The following IFT122 variants were observed in gnomAD, a reference collection of about 807,000 sequenced individuals.
IFT122 encodes the protein intraflagellar transport 122.
A neutral mutation model predicts 161.6 loss-of-function variants in IFT122; 118 were observed. That is an observed-to-expected ratio of 0.73 (90% CI 0.63 to 0.85). The LOEUF is 0.85. IFT122 is among the 40% of genes least tolerant of loss of function. The pLI, the probability that IFT122 is intolerant of heterozygous loss-of-function variation, is 0.00. For missense variants in IFT122, 1,381 were observed against 1,579.6 expected (o/e 0.87, Z 2.13); for synonymous variants, 550 against 602.4 (o/e 0.91, Z 1.27).
At chr3:129,488,781 A>G (rs1334492124) in intron 16 of IFT122, among the ~76,000 whole-genome samples, 3 of 151,992 alleles carry the variant, frequency 2.0e-5, no homozygotes, top group African/African-American at 7.3e-5. Flanking sequence ...GGCTTTTATT[A>G]TCGGTGTAGT....
Position 129,452,043 on chromosome 3 carries a change from A to G in IFT122, c.193+45A>G, listed in dbSNP as rs374965116. The stretch of plus-strand genomic sequence containing the variant: ...TTCCATTCTCTATAATAGCCTCATC[A>G]TTGTTCATTTTTCTCTTTAGTCACT... On this transcript the variant is annotated intron_variant, in intron 3 of 29. Transcript: ENST00000348417. The G allele has an allele frequency of 2.8e-5, 38 of 1,345,908 alleles. No homozygotes were observed. The East Asian group carries it at 3.9e-4, about 14-fold the overall frequency. The allele number at this position is 1,345,908 out of a possible 1,614,324, so 83.4% of individuals were successfully genotyped here.
intron 1 of IFT122, among the ~76,000 whole-genome samples, chr3:129,441,768 C>T (rs1180542188): frequency 6.6e-6 from 1 of 152,156 alleles, no homozygotes; most frequent in Non-Finnish European, 1.5e-5. Flanking sequence ...TGAAACACAG[C>T]CGTATCAGTG....
intron 19 of IFT122, 38 bp from the exon 20 acceptor site, chr3:129,502,673 C>G: frequency 6.2e-7 from 1 of 1,601,136 alleles, no homozygotes; most frequent in Non-Finnish European, 8.5e-7. Context: ...TTGACAAGAC[C>G]CAGAGCCCAC....
chr3:129,463,219 T>A (rs528022692), intron 5 of IFT122: 11 of 332,338 alleles, frequency 3.3e-5, no homozygotes, highest in South Asian at 2.6e-4. Context: ...TATTATATAG[T>A]TCTGTTGTTT....
intron 4 of IFT122, 56 bp downstream of exon 4, chr3:129,458,733 C>A: frequency 6.9e-6 from 9 of 1,310,268 alleles, no homozygotes; most frequent in Non-Finnish European, 1.0e-5. Context: ...ATAATTGCAG[C>A]AAAAGCCTCT....
chr3:129,515,834 G>T (rs569641025), intron 26 of IFT122, among the ~76,000 whole-genome samples: 3 of 152,154 alleles, frequency 2.0e-5, no homozygotes. Context: ...GGAACCTGGC[G>T]CAGGGCTTTA....
chr3:129,519,363 C>T (rs1489273698), intron 28 of IFT122, among the ~76,000 whole-genome samples, 177 bp downstream of exon 28: 2 of 152,194 alleles, frequency 1.3e-5, no homozygotes, highest in African/African-American at 2.4e-5. Flanking sequence ...TGGCTGCCCC[C>T]GAGGGACCAT....
chr3:129,517,268 G>GCGCGCGCGCGCGCGCGCA (rs1553776447), intron 26 of IFT122, among the ~76,000 whole-genome samples: 25 of 117,120 alleles, frequency 2.1e-4, no homozygotes, highest in African/African-American at 8.1e-4. Flanking sequence ...CATTGCTCCT[G>GCGCGCGCGCGCGCGCGCA]CACACACACA....
chr3:129,452,841 G>C (rs904632973), intron 3 of IFT122, among the ~76,000 whole-genome samples: 1 of 148,664 alleles, frequency 6.7e-6, no homozygotes, highest in African/African-American at 2.4e-5. Flanking sequence ...GCATCATCCA[G>C]ACAGGGGGTG....
In IFT122 at chr3:129,504,504, C is replaced by T. The variant is rs1038043500; in HGVS notation, c.2650+83C>T. ...TACATTTCAGGAAGGCTACCAAGCC[C>T]TTCCCATCTGTAGATCCCAAGATAG... On this transcript the variant is annotated intron_variant, in intron 21 of 29. Transcript: ENST00000348417. 1.1e-5 allele frequency: 12 copies of T among 1,095,460 alleles called. No homozygotes were observed. In the Middle Eastern group the frequency reaches 5.9e-4, roughly 54 times the overall value. The allele number at this position is 1,095,460 out of a possible 1,614,324, so 67.9% of individuals were successfully genotyped here. A position where few individuals can be genotyped will look rare whatever the true frequency, so the allele number is the denominator to read the frequency against.
At chr3:129,469,507 T>G in intron 9 of IFT122, 90 bp downstream of exon 9, 1 of 1,003,708 alleles carries the variant, frequency 1.0e-6, no homozygotes, top group Non-Finnish European at 1.6e-6. Context: ...ACATTATCAT[T>G]GTTAGTTCCT....
intron 18 of IFT122, among the ~76,000 whole-genome samples, chr3:129,499,569 C>G (rs913691521): frequency 1.3e-5 from 2 of 152,194 alleles, no homozygotes; most frequent in African/African-American, 2.4e-5. Flanking sequence ...AACCCCCGAC[C>G]CTGCAGACTT....
intron 17 of IFT122, among the ~76,000 whole-genome samples, chr3:129,494,221 T>G (rs1272121051): frequency 6.6e-6 from 1 of 152,018 alleles, no homozygotes; most frequent in Admixed American, 6.5e-5. Flanking sequence ...TGTTTGTTTT[T>G]TTTTTGCAGA....
In IFT122 at chr3:129,500,065, A is replaced by G; in HGVS notation, c.2372A>G (p.Asp791Gly). Residue 791 changes from aspartate (D) to glycine (G), a missense_variant, in exon 19 of 30, where the codon GAC becomes GGC. Physicochemically the swap from Asp to Gly is moderately conservative, Grantham distance 94. Transcript: ENST00000348417. ...IEICGDHGWV[D>G]MLIDIARKLD... ...ATCTGTGGTGACCATGGCTGGGTTG[A>G]CATGTAGGTTTTGGTCCCTGCCCCG... 1 of 1,614,172 alleles carries G rather than the reference A, an allele frequency of 6.2e-7. No homozygotes were observed. The highest frequency in any genetic ancestry group is 8.5e-7 in the Non-Finnish European group (1 of 1,180,040).
At chr3:129,496,153 A>G (rs1195937348) in intron 18 of IFT122, among the ~76,000 whole-genome samples, 1 of 152,068 alleles carries the variant, frequency 6.6e-6, no homozygotes, top group African/African-American at 2.4e-5. Flanking sequence ...CAGAGTGGCT[A>G]CCATGTGGTT....
chr3:129,464,413 G>T (rs556426424), intron 6 of IFT122, among the ~76,000 whole-genome samples: 3 of 152,202 alleles, frequency 2.0e-5, no homozygotes, highest in African/African-American at 7.2e-5. Context: ...TCAGAAAAAG[G>T]CACCAAATGG....
chr3:129,482,732 T>C (rs2078823527), intron 14 of IFT122, among the ~76,000 whole-genome samples: 2 of 152,230 alleles, frequency 1.3e-5, no homozygotes, highest in Non-Finnish European at 2.9e-5. Context: ...TGTGTGATCT[T>C]AAGTTAGTGA....
At chr3:129,463,712 G>T in intron 6 of IFT122, 86 bp downstream of exon 6, 1 of 1,164,560 alleles carries the variant, frequency 8.6e-7, no homozygotes, top group Non-Finnish European at 1.3e-6. Flanking sequence ...CAGCAGAGAA[G>T]GTCTTGTGTT....
chr3:129,451,277 TTTTATTTTTA>T (rs1000532859), intron 2 of IFT122, among the ~76,000 whole-genome samples: 15 of 148,756 alleles, frequency 1.0e-4, no homozygotes, highest in African/African-American at 3.2e-4. Context: ...TTTTATTTTT[TTTTATTTTTA>T]TTTATTTTTA....
Sources: gnomAD v4.1 joint callset for allele counts (sites outside exome capture counted in the v4.1 genomes callset) on GRCh38, gnomAD v4.1.1 for gene constraint, MANE v1.5 for transcripts, NCBI Gene and HGNC (gene_info 2026-07-23, HGNC 2026-07-21) for gene names.